The following PAPSS2 variants were observed in gnomAD, a reference collection of about 807,000 sequenced individuals.
PAPSS2 encodes the protein 3'-phosphoadenosine 5'-phosphosulfate synthase 2.
Under a neutral mutation model 66.5 loss-of-function variants are expected in PAPSS2, and 61 were observed. The observed-to-expected ratio is 0.92, with a 90% CI of 0.75 to 1.14. PAPSS2 has a LOEUF of 1.14. Ranked by LOEUF, PAPSS2 falls within the 50% of genes most tolerant of loss-of-function variation. The probability of loss-of-function intolerance (pLI) is 0.00; values close to 1 mark genes in which losing one functional copy is unlikely to be tolerated. For synonymous variants in PAPSS2, 289 were observed against 287.5 expected (o/e 1.01, Z -0.05); for missense variants, 708 against 789.6 (o/e 0.90, Z 1.24).
chr10:87,723,782 G>C (rs1489781933), intron 8 of PAPSS2, among the ~76,000 whole-genome samples: 2 of 152,182 alleles, frequency 1.3e-5, no homozygotes, highest in Non-Finnish European at 2.9e-5. Context: ...AACTACTAGG[G>C]GGAGTCTTAT....
Position 87,715,014 on chromosome 10 carries a change from T to A in PAPSS2, c.669T>A (p.Asp223Glu). Residue 223 changes from aspartate to glutamate, a missense_variant, in exon 6 of 13, where the codon GAT becomes GAA. Physicochemically the swap from Asp to Glu is conservative, Grantham distance 45. Coordinates refer to ENST00000456849, the MANE Select transcript of PAPSS2 (RefSeq NM_001015880.2). ...QNIVPYTIIK[D>E]IHELFVPENK... ...TTGTACCCTATACTATAATCAAAGA[T>A]ATCCACGAACTCTTTGTGCCGGAAA... The A allele has an allele frequency of 6.2e-7, 1 of 1,611,350 alleles. No homozygotes were observed. The highest frequency in any genetic ancestry group is 8.5e-7 in the Non-Finnish European group (1 of 1,177,498).
intron 8 of PAPSS2, among the ~76,000 whole-genome samples, chr10:87,724,309 T>A (rs1401195420): frequency 2.6e-5 from 4 of 151,782 alleles, no homozygotes; most frequent in Non-Finnish European, 4.4e-5. Flanking sequence ...ATGTTCAATA[T>A]AAAGGAACTT....
chr10:87,709,132 G>T, intron 1 of PAPSS2, 64 bp from the exon 2 acceptor site: 2 of 1,018,248 alleles, frequency 2.0e-6, no homozygotes, highest in South Asian at 1.3e-5. Context: ...GATTTATATT[G>T]GCTCCAGTGA....
intron 1 of PAPSS2, among the ~76,000 whole-genome samples, chr10:87,708,672 C>G (rs1048295848): frequency 3.9e-5 from 6 of 152,086 alleles, no homozygotes; most frequent in Non-Finnish European, 5.9e-5. Context: ...CAAAAATTTT[C>G]CAGTTTGAAT....
At chr10:87,738,691 C>T (rs1307261324) in intron 9 of PAPSS2, among the ~76,000 whole-genome samples, 1 of 152,224 alleles carries the variant, frequency 6.6e-6, no homozygotes. Flanking sequence ...GCGTGAGCCA[C>T]TGTGCCCAGC....
In PAPSS2 at chr10:87,743,516, G is replaced by A. The variant is rs1340123512; in HGVS notation, c.1366G>A (p.Asp456Asn). ...LHPLGGWTKD[D>N]DVPLDWRMKQ... ...CCCTCTGGGCGGCTGGACCAAGGAT[G>A]ACGATGTGCCTCTAGACTGGCGGAT... Residue 456 changes from aspartate to asparagine, a missense_variant, in exon 11 of 13, where the codon GAC becomes AAC. Physicochemically the swap from Asp to Asn is conservative, Grantham distance 23 (BLOSUM62 1). Coordinates refer to ENST00000456849, the MANE Select transcript of PAPSS2 (RefSeq NM_001015880.2). 1.9e-6 allele frequency: 3 copies of A among 1,614,054 alleles called. No homozygotes were observed. In the African/African-American group the frequency reaches 4.0e-5, roughly 22 times the overall value.
intron 1 of PAPSS2, among the ~76,000 whole-genome samples, chr10:87,689,084 T>C (rs1231439453): frequency 6.6e-6 from 1 of 152,032 alleles, no homozygotes; most frequent in Non-Finnish European, 1.5e-5. Flanking sequence ...CTCACGCCTG[T>C]AATCCCAGCA....
At chr10:87,734,526 A>C (rs1344065912) in intron 9 of PAPSS2, among the ~76,000 whole-genome samples, 1 of 151,784 alleles carries the variant, frequency 6.6e-6, no homozygotes, top group Non-Finnish European at 1.5e-5. Context: ...AGCTCTGTGC[A>C]CTTGAACTCT....
At chr10:87,673,445 G>A (rs1242337634) in intron 1 of PAPSS2, among the ~76,000 whole-genome samples, 1 of 151,984 alleles carries the variant, frequency 6.6e-6, no homozygotes, top group South Asian at 2.1e-4. Flanking sequence ...GCAGGTGTGA[G>A]CCACTGTGCC....
intron 9 of PAPSS2, among the ~76,000 whole-genome samples, chr10:87,740,192 A>G (rs1853849923): frequency 6.6e-6 from 1 of 152,234 alleles, no homozygotes; most frequent in Non-Finnish European, 1.5e-5. Context: ...TAAGGTTTCA[A>G]GCAAAATATT....
Position 87,713,240 on chromosome 10 carries a change from C to T in PAPSS2, c.311C>T (p.Ala104Val), listed in dbSNP as rs1341407260. ...AGAGAGGAAAATATCCGCCGGATTG[C>T]TGAGGTGGCTAAGCTGTTTGCTGAT... Reference protein sequence around the residue: ...GDREENIRRIAEVAKLFADAG... With the variant: ...GDREENIRRIVEVAKLFADAG... Residue 104 changes from alanine (A) to valine (V), a missense_variant, in exon 3 of 13, where the codon GCT becomes GTT. Coordinates refer to ENST00000456849, the MANE Select transcript of PAPSS2 (RefSeq NM_001015880.2). 1 of 1,572,982 alleles carries T rather than the reference C, an allele frequency of 6.4e-7. No homozygotes were observed. Among genetic ancestry groups the T allele is most frequent in the South Asian group, 1.1e-5 (1 of 90,178 alleles).
intron 1 of PAPSS2, among the ~76,000 whole-genome samples, chr10:87,706,505 C>A (rs1853391775): frequency 6.6e-6 from 1 of 150,494 alleles, no homozygotes; most frequent in Admixed American, 6.6e-5. Flanking sequence ...GCCTGTAATC[C>A]TAGTACTTTG....
intron 9 of PAPSS2, among the ~76,000 whole-genome samples, chr10:87,739,691 GTGTTGACATTTGAAT>G (rs1331361992): frequency 1.3e-5 from 2 of 152,178 alleles, no homozygotes; most frequent in African/African-American, 4.8e-5. Flanking sequence ...CTTTTTCTCT[GTGTTGACATTTGAAT>G]TGCTGGTACA....
intron 1 of PAPSS2, among the ~76,000 whole-genome samples, chr10:87,688,160 A>T (rs1461102125): frequency 6.6e-6 from 1 of 152,090 alleles, no homozygotes; most frequent in Admixed American, 6.5e-5. Flanking sequence ...TAAAATACAT[A>T]TAATAACACT....
chr10:87,723,235 G>A (rs1037271890), intron 8 of PAPSS2, among the ~76,000 whole-genome samples: 7 of 152,200 alleles, frequency 4.6e-5, no homozygotes, highest in African/African-American at 1.7e-4. Context: ...TCCACAGAAA[G>A]CATGATTTCT....
At chr10:87,716,894 A>G (rs1853539077) in intron 7 of PAPSS2, among the ~76,000 whole-genome samples, 1 of 152,232 alleles carries the variant, frequency 6.6e-6, no homozygotes, top group South Asian at 2.1e-4. Flanking sequence ...TCTGTTTTCA[A>G]AGCATTTTCT....
intron 1 of PAPSS2, among the ~76,000 whole-genome samples, chr10:87,662,284 C>T (rs1453788687): frequency 6.6e-6 from 1 of 152,000 alleles, no homozygotes; most frequent in Admixed American, 6.6e-5. Flanking sequence ...ACCTCTTTTC[C>T]AGGTTTTTTT....
At chr10:87,663,882 A>G (rs1175322356) in intron 1 of PAPSS2, among the ~76,000 whole-genome samples, 1 of 152,220 alleles carries the variant, frequency 6.6e-6, no homozygotes, top group Non-Finnish European at 1.5e-5. Flanking sequence ...AAAAAACAGC[A>G]CACATCATAC....
At chr10:87,660,776 C>G (rs1312470041) in intron 1 of PAPSS2, among the ~76,000 whole-genome samples, 1 of 131,652 alleles carries the variant, frequency 7.6e-6, no homozygotes, top group Non-Finnish European at 1.5e-5. Context: ...GGCAGCAGTT[C>G]TATTTGTCAA....
Sources: gnomAD v4.1 joint callset for allele counts (sites outside exome capture counted in the v4.1 genomes callset) on GRCh38, gnomAD v4.1.1 for gene constraint, MANE v1.5 for transcripts, NCBI Gene and HGNC (gene_info 2026-07-23, HGNC 2026-07-21) for gene names.